GPR89B: variants seen among roughly 807,000 people sequenced by gnomAD.
GPR89B encodes the protein G protein-coupled receptor 89B.
A neutral mutation model predicts 52.4 loss-of-function variants in GPR89B; 25 were observed. The ratio of observed to expected loss-of-function variants is 0.48; its 90% CI spans 0.35 to 0.67. The LOEUF (loss-of-function observed/expected upper bound fraction) is 0.67. GPR89B is among the 30% of genes least tolerant of loss of function. GPR89B has a pLI of 0.01. For synonymous variants in GPR89B, 52 were observed against 151.2 expected (o/e 0.34, Z 4.81); for missense variants, 146 against 450.2 (o/e 0.32, Z 6.11).
chr1:147,978,667 A>G (rs1285339813), intron 10 of GPR89B, among the ~76,000 whole-genome samples: 1 of 151,294 alleles, frequency 6.6e-6, no homozygotes, highest in Admixed American at 6.6e-5. Flanking sequence ...ATAAACCCCT[A>G]CCTGGAGTTG....
At chr1:147,940,702 G>A (rs2149041707) in intron 3 of GPR89B, among the ~76,000 whole-genome samples, 1 of 152,224 alleles carries the variant, frequency 6.6e-6, no homozygotes, top group South Asian at 2.1e-4. Flanking sequence ...GCATGGCCAT[G>A]CTCCAATAAA....
intron 7 of GPR89B, among the ~76,000 whole-genome samples, chr1:147,958,638 CAAA>C (rs587655520): frequency 1.8e-5 from 2 of 109,684 alleles, no homozygotes; most frequent in Non-Finnish European, 1.9e-5. Context: ...GACTCTGTCT[CAAA>C]AAAAAAAAAA....
chr1:147,939,747 T>TAG (rs1344383580), intron 3 of GPR89B, among the ~76,000 whole-genome samples: 3 of 152,044 alleles, frequency 2.0e-5, no homozygotes, highest in African/African-American at 7.2e-5. Flanking sequence ...CCTATAATCC[T>TAG]AGCACTTTGG....
the GPR89B span, among the ~76,000 whole-genome samples, chr1:148,006,460 A>G: frequency 1.3e-5 from 2 of 152,044 alleles, no homozygotes; most frequent in Admixed American, 1.3e-4. Context: ...TTCTTCAAAG[A>G]TATTAATAGA....
rs1299962922 is a variant in GPR89B, at chr1:147,936,687, G to A, written c.102+1G>A. On this transcript the variant is annotated splice_donor_variant, in intron 2 of 13. Transcript: ENST00000314163. LOFTEE classifies it high-confidence loss of function. Reference sequence around the variant, plus strand: ...GCGCCAATTGTTTAAAGACTATGAGGTGAGAAGAAATCATTTTGTCATACT... The same window carrying A: ...GCGCCAATTGTTTAAAGACTATGAGATGAGAAGAAATCATTTTGTCATACT... 2.9e-5 allele frequency: 47 copies of A among 1,605,800 alleles called. No individual in the cohort carries two copies. The highest frequency in any genetic ancestry group is 3.9e-5 in the Non-Finnish European group (46 of 1,174,666).
the GPR89B span, among the ~76,000 whole-genome samples, chr1:148,016,273 G>A: frequency 1.4e-5 from 1 of 69,410 alleles, no homozygotes; most frequent in East Asian, 3.4e-4. Context: ...GTCTCTAAAT[G>A]TCCTTACTTC....
chr1:147,947,993 C>T (rs1655150680), intron 5 of GPR89B, among the ~76,000 whole-genome samples: 3 of 152,192 alleles, frequency 2.0e-5, no homozygotes, highest in Admixed American at 1.3e-4. Context: ...AAATAAACCA[C>T]AAACGGAACA....
chr1:147,956,490 A>C (rs1656124144), intron 7 of GPR89B, among the ~76,000 whole-genome samples: 1 of 152,020 alleles, frequency 6.6e-6, no homozygotes, highest in Non-Finnish European at 1.5e-5. Context: ...GGTAGTATGG[A>C]TGTTTTAACA....
chr1:147,990,004 T>G (rs1393079274), intron 12 of GPR89B, among the ~76,000 whole-genome samples: 4,212 of 152,254 alleles, frequency 0.028, 169 homozygotes, highest in African/African-American at 0.095. Flanking sequence ...GGGTCAAATG[T>G]TATTTCTAGT....
At chr1:147,958,049 G>A (rs1170263399) in intron 7 of GPR89B, among the ~76,000 whole-genome samples, 2 of 150,952 alleles carry the variant, frequency 1.3e-5, no homozygotes, top group Non-Finnish European at 3.0e-5. Context: ...GGGTGATGGA[G>A]TGAGACTCCG....
chr1:147,971,162 T>C (rs2149078999), intron 10 of GPR89B, among the ~76,000 whole-genome samples: 1 of 151,940 alleles, frequency 6.6e-6, no homozygotes, highest in South Asian at 2.1e-4. Context: ...CATGTCTTTT[T>C]TTTTTTAGAT....
At chr1:147,949,634 ACCTC>A (rs1655379214) in intron 5 of GPR89B, among the ~76,000 whole-genome samples, 1 of 113,590 alleles carries the variant, frequency 8.8e-6, no homozygotes, top group Non-Finnish European at 1.8e-5. Flanking sequence ...TGACCCCCCC[ACCTC>A]CCTCCCGGAT....
At chr1:147,940,481 G>C (rs1654470474) in intron 3 of GPR89B, among the ~76,000 whole-genome samples, 1 of 151,854 alleles carries the variant, frequency 6.6e-6, no homozygotes, top group Admixed American at 6.6e-5. Flanking sequence ...ATAGAGAATA[G>C]ACAGGTATTA....
At chr1:147,962,182 G>A (rs1291369937) in intron 7 of GPR89B, among the ~76,000 whole-genome samples, 1 of 151,626 alleles carries the variant, frequency 6.6e-6, no homozygotes, top group Non-Finnish European at 1.5e-5. Flanking sequence ...CCAGCACTTT[G>A]GGAGGCTGAG....
At chr1:147,996,262 A>G (rs1171864439), downstream of GPR89B, among the ~76,000 whole-genome samples, 9 of 151,064 alleles carry the variant, frequency 6.0e-5, no homozygotes, top group South Asian at 4.2e-4. Context: ...ATCAGGGTTG[A>G]TAGTGACTGT....
intron 10 of GPR89B, among the ~76,000 whole-genome samples, chr1:147,975,050 A>T (rs1657736516): frequency 6.6e-6 from 1 of 151,278 alleles, no homozygotes; most frequent in African/African-American, 2.4e-5. Context: ...GAGCTTTTTG[A>T]TGTGCTGCTG....
At chr1:147,949,547 G>A (rs1553250472) in intron 5 of GPR89B, among the ~76,000 whole-genome samples, 10 of 122,484 alleles carry the variant, frequency 8.2e-5, no homozygotes, top group African/African-American at 1.7e-4. Context: ...CTCACCTCCC[G>A]GACGGGGCGG....
chr1:147,947,661 G>A (rs1256779123), intron 5 of GPR89B, among the ~76,000 whole-genome samples: 1 of 151,834 alleles, frequency 6.6e-6, no homozygotes, highest in East Asian at 1.9e-4. Context: ...TGTAATAAAA[G>A]GACAAAGACA....
chr1:148,017,946 AG>A, the GPR89B span, among the ~76,000 whole-genome samples: 1 of 140,184 alleles, frequency 7.1e-6, no homozygotes, highest in Non-Finnish European at 1.5e-5. Context: ...AAAGAAGGAA[AG>A]ACAGTAAGGG....
Sources: gnomAD v4.1 joint callset for allele counts (sites outside exome capture counted in the v4.1 genomes callset) on GRCh38, gnomAD v4.1.1 for gene constraint, MANE v1.5 for transcripts, NCBI Gene and HGNC (gene_info 2026-07-23, HGNC 2026-07-21) for gene names.